GUCY1A2: variants seen among roughly 807,000 people sequenced by gnomAD.
The protein encoded by GUCY1A2 is guanylate cyclase 1 soluble subunit alpha 2, also known as guanylate cyclase soluble subunit alpha-2.
In GUCY1A2, 27 loss-of-function variants were observed where a neutral mutation model predicts 63.5. The ratio of observed to expected loss-of-function variants is 0.43; its 90% CI spans 0.31 to 0.59. GUCY1A2 has a LOEUF of 0.59. Ranked by LOEUF, GUCY1A2 falls within the 20% of genes least tolerant of loss-of-function variation. The probability of loss-of-function intolerance (pLI) is 0.11; values close to 1 mark genes in which losing one functional copy is unlikely to be tolerated. For synonymous variants in GUCY1A2, 364 were observed against 343.5 expected, an observed-to-expected ratio of 1.06 and a Z score of -0.66; for missense variants, 768 against 913.3, an observed-to-expected ratio of 0.84 and a Z score of 2.05.
chr11:106,795,676 A>T (rs1864745343), intron 5 of GUCY1A2, among the ~76,000 whole-genome samples: 1 of 152,160 alleles, frequency 6.6e-6, no homozygotes, highest in Non-Finnish European at 1.5e-5. Flanking sequence ...AAATGCATCA[A>T]AACTTATTTA....
chr11:107,011,242 A>C (rs1861739859), intron 1 of GUCY1A2, among the ~76,000 whole-genome samples: 1 of 152,080 alleles, frequency 6.6e-6, no homozygotes, highest in African/African-American at 2.4e-5. Context: ...AGAAAATTAT[A>C]CCTTCCTAGT....
At chr11:106,779,035 T>C (rs1484728907) in intron 5 of GUCY1A2, among the ~76,000 whole-genome samples, 1 of 152,148 alleles carries the variant, frequency 6.6e-6, no homozygotes, top group Admixed American at 6.5e-5. Flanking sequence ...TAAAAAGATA[T>C]ACTGCATGAA....
chr11:106,818,762 A>C (rs1858863075), intron 4 of GUCY1A2, among the ~76,000 whole-genome samples: 1 of 152,216 alleles, frequency 6.6e-6, no homozygotes, highest in Non-Finnish European at 1.5e-5. Flanking sequence ...CGGTGAACAC[A>C]CAAATGATAA....
At chr11:106,775,890 T>G (rs892783297) in intron 6 of GUCY1A2, among the ~76,000 whole-genome samples, 2 of 152,174 alleles carry the variant, frequency 1.3e-5, no homozygotes, top group Non-Finnish European at 2.9e-5. Flanking sequence ...GACCTCAGAT[T>G]GCAGAAGACC....
At chr11:106,935,643 G>A (rs976678547) in intron 4 of GUCY1A2, among the ~76,000 whole-genome samples, 5 of 151,876 alleles carry the variant, frequency 3.3e-5, no homozygotes, top group Non-Finnish European at 5.9e-5. Flanking sequence ...AGTTTGAGAC[G>A]AGACCAGTCT....
At chr11:106,817,128 T>C (rs556055455) in intron 4 of GUCY1A2, among the ~76,000 whole-genome samples, 21 of 152,100 alleles carry the variant, frequency 1.4e-4, no homozygotes, top group Non-Finnish European at 2.2e-4. Context: ...TCAGCTAAGT[T>C]AATGACGAAA....
intron 6 of GUCY1A2, among the ~76,000 whole-genome samples, chr11:106,765,641 C>G (rs1167429194): frequency 2.0e-5 from 3 of 152,106 alleles, no homozygotes; most frequent in African/African-American, 7.2e-5. Flanking sequence ...CAAAGTAAGC[C>G]TTTTCTCCCC....
At chr11:106,925,549 C>T (rs1860510233) in intron 4 of GUCY1A2, among the ~76,000 whole-genome samples, 2 of 152,068 alleles carry the variant, frequency 1.3e-5, no homozygotes, top group African/African-American at 4.8e-5. Flanking sequence ...CTTAGATGAT[C>T]ATTTTTACCC....
intron 3 of GUCY1A2, among the ~76,000 whole-genome samples, chr11:106,947,912 A>C (rs1860852042): frequency 6.6e-6 from 1 of 152,116 alleles, no homozygotes; most frequent in South Asian, 2.1e-4. Context: ...TTAAGAAAAA[A>C]ACTATGGAGT....
chr11:106,688,128 C>T (rs188911394), intron 7 of GUCY1A2, among the ~76,000 whole-genome samples: 1 of 152,210 alleles, frequency 6.6e-6, no homozygotes, highest in African/African-American at 2.4e-5. Flanking sequence ...CAGGATTTAC[C>T]TTTTCCGTTT....
In GUCY1A2 at chr11:106,949,890, T is replaced by C. The variant is rs1323615840; in HGVS notation, c.488-9712A>G. 2.0e-5 allele frequency among the ~76,000 whole-genome samples: 3 copies of C among 152,214 alleles called. No homozygotes were observed. The South Asian group carries it at 6.2e-4, about 31-fold the overall frequency. ...TGTCTGTGGTGAATCTATAAAAGAA[T>C]GAATATAAAACCAATGGATTAATGA... On this transcript the variant is annotated intron_variant, in intron 3 of 7. Transcript: ENST00000526355.
rs906127951 is a variant in GUCY1A2, at chr11:106,830,496, G to A, written c.1207-20018C>T. Among the ~76,000 whole-genome samples the A allele has an allele frequency of 7.9e-5, 12 of 152,182 alleles. 1 individual carries two copies. The highest frequency in any genetic ancestry group is 3.9e-4 in the East Asian group (2 of 5,188). ...GGAAAGGCAGACCTACCCTCAATCC[G>A]GGTGGGCACCATCTAATCAGCTGCC... On this transcript the variant is annotated intron_variant, in intron 4 of 7. Coordinates refer to ENST00000526355, the MANE Select transcript of GUCY1A2 (RefSeq NM_000855.3).
chr11:106,876,462 C>T (rs1859750652), intron 4 of GUCY1A2, among the ~76,000 whole-genome samples: 1 of 151,874 alleles, frequency 6.6e-6, no homozygotes, highest in Non-Finnish European at 1.5e-5. Context: ...GCATTGTATC[C>T]AACATACGTA....
At position 106,687,443 on chromosome 11, in the gene GUCY1A2, G is replaced by C; in HGVS notation, c.*106C>G. ...ACATAATACAGAAATTTTGCTGCTT[G>C]TTCTCAACAAAGCAATGAAAGAGAC... On this transcript the variant is annotated 3_prime_UTR_variant, in exon 8 of 8. Coordinates refer to ENST00000526355, the MANE Select transcript of GUCY1A2 (RefSeq NM_000855.3). The C allele has an allele frequency of 1.2e-6, 1 of 845,272 alleles. No individual in the cohort carries two copies. The highest frequency in any genetic ancestry group is 2.0e-6 in the Non-Finnish European group (1 of 511,544). The allele number at this position is 845,272 out of a possible 1,614,324, so 52.4% of individuals were successfully genotyped here.
intron 4 of GUCY1A2, among the ~76,000 whole-genome samples, chr11:106,819,518 C>A (rs1035719185): frequency 3.7e-4 from 57 of 152,212 alleles, no homozygotes; most frequent in African/African-American, 1.3e-3. Flanking sequence ...CAAGGTAAGA[C>A]CCTCCACCAG....
In GUCY1A2 at chr11:106,680,552, G is replaced by C. The variant is rs1862415627; in HGVS notation, c.*6997C>G. 5.1e-6 allele frequency: 1 copy of C among 197,048 alleles called. No individual in the cohort carries two copies. Among genetic ancestry groups the C allele is most frequent in the Non-Finnish European group, 1.0e-5 (1 of 95,256 alleles). 12.2% of individuals were successfully genotyped at this position (197,048 alleles called of 1,614,324 possible). ...CAGCAACTAGCTGAATTAACTGGAAGGATAACTTCAGTGTAATTTAATAGA... is the reference window on the plus strand; with the variant it reads ...CAGCAACTAGCTGAATTAACTGGAACGATAACTTCAGTGTAATTTAATAGA... On this transcript the variant is annotated 3_prime_UTR_variant, in exon 8 of 8. Coordinates refer to ENST00000526355, the MANE Select transcript of GUCY1A2 (RefSeq NM_000855.3).
intron 7 of GUCY1A2, among the ~76,000 whole-genome samples, chr11:106,689,982 A>G (rs953788197): frequency 2.0e-5 from 3 of 149,116 alleles, no homozygotes; most frequent in Admixed American, 6.7e-5. Flanking sequence ...TGACAGAGCG[A>G]GACTCAGTCT....
intron 4 of GUCY1A2, among the ~76,000 whole-genome samples, chr11:106,914,328 T>A (rs1860339275): frequency 6.6e-6 from 1 of 151,908 alleles, no homozygotes; most frequent in South Asian, 2.1e-4. Context: ...ATAATTAATG[T>A]GAAAGTGACC....
intron 6 of GUCY1A2, among the ~76,000 whole-genome samples, chr11:106,744,244 CTTTTTTTTTTTT>C (rs5794491): frequency 8.9e-6 from 1 of 112,696 alleles, no homozygotes; most frequent in East Asian, 2.5e-4. Context: ...AACATAAATG[CTTTTTTTTTTTT>C]TTTTTTTTGA....
Sources: allele counts gnomAD v4.1 joint callset (sites outside exome capture counted in the v4.1 genomes callset), GRCh38; gene constraint gnomAD v4.1.1; transcripts MANE v1.5; gene names NCBI Gene and HGNC (gene_info 2026-07-23, HGNC 2026-07-21).